GRID2: variants seen among roughly 807,000 people sequenced by gnomAD.
GRID2 encodes the protein glutamate ionotropic receptor delta type subunit 2.
Under a neutral mutation model 114.8 loss-of-function variants are expected in GRID2, and 33 were observed. The observed-to-expected ratio is 0.29, with a 90% CI of 0.22 to 0.38. The LOEUF is 0.38. Ranked by LOEUF, GRID2 falls within the 10% of genes least tolerant of loss-of-function variation. The pLI is 1.00. For missense variants in GRID2, 1,184 were observed against 1,257.7 expected (o/e 0.94, Z 0.89); for synonymous variants, 505 against 449.9 (o/e 1.12, Z -1.55).
intron 1 of GRID2, among the ~76,000 whole-genome samples, chr4:92,376,974 G>A (rs1041437228): frequency 2.0e-5 from 3 of 152,228 alleles, no homozygotes; most frequent in African/African-American, 7.2e-5. Flanking sequence ...AGGGGCTGCT[G>A]TGACAACCTC....
intron 2 of GRID2, among the ~76,000 whole-genome samples, chr4:92,923,092 T>C (rs553919494): frequency 1.2e-4 from 18 of 152,346 alleles, no homozygotes; most frequent in African/African-American, 2.9e-4. Context: ...CACCATTTTC[T>C]ACCATGCATC....
At chr4:93,659,086 G>A (rs960623746) in intron 14 of GRID2, among the ~76,000 whole-genome samples, 5 of 152,096 alleles carry the variant, frequency 3.3e-5, no homozygotes, top group African/African-American at 1.2e-4. Context: ...TAGCAATTTA[G>A]CAGCAGTGGC....
intron 10 of GRID2, among the ~76,000 whole-genome samples, chr4:93,447,020 T>A (rs2149399485): frequency 6.6e-6 from 1 of 151,754 alleles, no homozygotes; most frequent in South Asian, 2.1e-4. Context: ...AATTACCAGA[T>A]TAAAACACAA....
chr4:92,441,271 T>G (rs893937080), intron 1 of GRID2, among the ~76,000 whole-genome samples: 13 of 151,978 alleles, frequency 8.6e-5, no homozygotes, highest in Non-Finnish European at 1.8e-4. Context: ...TATGCCGAGA[T>G]AGGTAACAGA....
At chr4:92,900,675 A>G (rs1249641704) in intron 2 of GRID2, among the ~76,000 whole-genome samples, 1 of 152,074 alleles carries the variant, frequency 6.6e-6, no homozygotes, top group Admixed American at 6.5e-5. Context: ...CTAAAAATAC[A>G]AAAAACAAAT....
rs11428288 is a variant in GRID2 at position 93,178,380 on chromosome 4, A to ATTTTTT, written c.736-28999_736-28994dup. ...CTTATATTGTTTTCCTTGAAAATAGATTTTTTTTTTTTTTTTTTTTTTTTT... is the reference window on the plus strand; with the variant it reads ...CTTATATTGTTTTCCTTGAAAATAGATTTTTTTTTTTTTTTTTTTTTTTTTTTTTTT... On this transcript the variant is annotated intron_variant, in intron 4 of 15. Coordinates refer to ENST00000282020, the MANE Select transcript of GRID2 (RefSeq NM_001510.4). Among the ~76,000 whole-genome samples, 24 of 50,332 alleles carry ATTTTTT rather than the reference A, an allele frequency of 4.8e-4. 5 individuals carry two copies. The highest frequency in any genetic ancestry group is 1.4e-3 in the African/African-American group (17 of 12,572). The allele number at this position is 50,332 out of a possible 152,430, so 33.0% of individuals were successfully genotyped here.
At chr4:92,510,010 A>G (rs541997020) in intron 1 of GRID2, among the ~76,000 whole-genome samples, 1 of 152,070 alleles carries the variant, frequency 6.6e-6, no homozygotes, top group African/African-American at 2.4e-5. Flanking sequence ...TCTGACATAT[A>G]CTTTCACAGA....
chr4:93,561,952 C>T (rs1196982210), intron 13 of GRID2, among the ~76,000 whole-genome samples: 1 of 152,024 alleles, frequency 6.6e-6, no homozygotes, highest in Admixed American at 6.6e-5. Flanking sequence ...TGGTTGCTTC[C>T]AAGTTTTGGA....
rs1194964399 is a variant in GRID2 at position 92,440,166 on chromosome 4, G to C, written c.88+135422G>C. Among the ~76,000 whole-genome samples the C allele has an allele frequency of 1.4e-5, 2 of 146,130 alleles. 1 individual carries two copies. The highest frequency in any genetic ancestry group is 3.1e-5 in the Non-Finnish European group (2 of 64,632). On this transcript the variant is annotated intron_variant, in intron 1 of 15. Transcript: ENST00000282020. ...TAAGTTGGTGGCTGAGCTTGGTGAGGTGTGTTTTTAAAAGACCTTTAGTCC... is the reference window on the plus strand; with the variant it reads ...TAAGTTGGTGGCTGAGCTTGGTGAGCTGTGTTTTTAAAAGACCTTTAGTCC...
chr4:93,534,841 G>A lies in GRID2; in HGVS notation c.2193+19430G>A, dbSNP rs139261963. ...AACTAACACACCCATCACCTCACAT[G>A]GTTACTTTTTTTTTTTTTTTGGTAA... On this transcript the variant is annotated intron_variant, in intron 13 of 15. Coordinates refer to ENST00000282020, the MANE Select transcript of GRID2 (RefSeq NM_001510.4). 7.4e-4 allele frequency among the ~76,000 whole-genome samples: 109 copies of A among 147,526 alleles called. 1 individual carries two copies. Among genetic ancestry groups the A allele is most frequent in the African/African-American group, 2.3e-3 (95 of 40,690 alleles).
At chr4:92,912,488 T>C (rs921800298) in intron 2 of GRID2, among the ~76,000 whole-genome samples, 1 of 130,040 alleles carries the variant, frequency 7.7e-6, no homozygotes, top group Non-Finnish European at 1.7e-5. Flanking sequence ...TTTTGATATG[T>C]ACAGAAAAAA....
At chr4:92,680,979 G>A (rs970506741) in intron 2 of GRID2, among the ~76,000 whole-genome samples, 1 of 151,900 alleles carries the variant, frequency 6.6e-6, no homozygotes, top group African/African-American at 2.4e-5. Context: ...AGAAAAAGAA[G>A]ATTAAAGTAA....
intron 1 of GRID2, among the ~76,000 whole-genome samples, chr4:92,537,559 A>T (rs1190704359): frequency 1.3e-5 from 2 of 152,200 alleles, no homozygotes; most frequent in African/African-American, 4.8e-5. Flanking sequence ...GTTTTCATGC[A>T]AATATATTTT....
intron 2 of GRID2, among the ~76,000 whole-genome samples, chr4:92,877,906 T>G (rs1330867564): frequency 6.6e-6 from 1 of 152,148 alleles, no homozygotes; most frequent in Non-Finnish European, 1.5e-5. Flanking sequence ...TTACTTCTTC[T>G]CAGATAAGTT....
intron 2 of GRID2, among the ~76,000 whole-genome samples, chr4:92,673,893 G>A (rs1733197416): frequency 6.6e-6 from 1 of 152,070 alleles, no homozygotes; most frequent in African/African-American, 2.4e-5. Context: ...GTTAACGGGT[G>A]CAGCACACCA....
At position 92,353,114 on chromosome 4, in the gene GRID2, T is replaced by A. The variant is rs536876836; in HGVS notation, c.88+48370T>A. The stretch of plus-strand genomic sequence containing the variant: ...AACTTACCTTCAAGTTCACTAACTC[T>A]TTTGCCTACTCAATTCTGCTTTTGA... On this transcript the variant is annotated intron_variant, in intron 1 of 15. Transcript: ENST00000282020. 5.3e-5 allele frequency among the ~76,000 whole-genome samples: 8 copies of A among 152,024 alleles called. 1 individual carries two copies. In the South Asian group the frequency reaches 1.5e-3, roughly 28 times the overall value.
intron 2 of GRID2, among the ~76,000 whole-genome samples, chr4:92,596,616 A>G (rs112673931): frequency 6.6e-6 from 1 of 151,914 alleles, no homozygotes; most frequent in Admixed American, 6.6e-5. Context: ...CTTATGTGTG[A>G]TCTTTAGTGT....
At chr4:92,579,280 C>G (rs955121749) in intron 1 of GRID2, among the ~76,000 whole-genome samples, 4 of 151,990 alleles carry the variant, frequency 2.6e-5, no homozygotes, top group Non-Finnish European at 5.9e-5. Flanking sequence ...GTTTAAAAGG[C>G]CACAGTGTAT....
intron 2 of GRID2, among the ~76,000 whole-genome samples, chr4:92,731,818 G>T (rs1372130918): frequency 6.6e-6 from 1 of 151,860 alleles, no homozygotes; most frequent in Non-Finnish European, 1.5e-5. Context: ...TTTTCAGAAT[G>T]AGCTTTATAA....
Sources: gnomAD v4.1 joint callset for allele counts (sites outside exome capture counted in the v4.1 genomes callset) on GRCh38, gnomAD v4.1.1 for gene constraint, MANE v1.5 for transcripts, NCBI Gene and HGNC (gene_info 2026-07-23, HGNC 2026-07-21) for gene names.